Variants in STXBP5 observed in about 807,000 individuals in gnomAD.
STXBP5 encodes syntaxin-binding protein 5.
In STXBP5, 50 loss-of-function variants were observed where a neutral mutation model predicts 152.4. The ratio of observed to expected loss-of-function variants is 0.33; its 90% CI spans 0.26 to 0.42. STXBP5 has a LOEUF of 0.42. Ranked by LOEUF, STXBP5 falls within the 10% of genes least tolerant of loss-of-function variation. The pLI, the probability that STXBP5 is intolerant of heterozygous loss-of-function variation, is 1.00. For missense variants in STXBP5, 1,167 were observed against 1,388.6 expected (o/e 0.84, Z 2.54); for synonymous variants, 492 against 494.7 (o/e 0.99, Z 0.07).
intron 16 of STXBP5, among the ~76,000 whole-genome samples, chr6:147,321,736 G>A (rs1342171175): frequency 2.0e-5 from 3 of 152,100 alleles, no homozygotes; most frequent in Non-Finnish European, 2.9e-5. Flanking sequence ...TTTAAAATAC[G>A]TTTGTACAAA....
chr6:147,297,911 A>G (rs191694049), intron 9 of STXBP5, among the ~76,000 whole-genome samples: 11 of 152,208 alleles, frequency 7.2e-5, no homozygotes. Context: ...TAGAAAAACC[A>G]TCAAACCACA....
intron 8 of STXBP5, among the ~76,000 whole-genome samples, chr6:147,284,592 C>A (rs1458252072): frequency 6.6e-6 from 1 of 152,160 alleles, no homozygotes; most frequent in Non-Finnish European, 1.5e-5. Flanking sequence ...GACTATTTCA[C>A]AAATTCAGGG....
At chr6:147,307,919 A>G (rs1782174756) in intron 9 of STXBP5, among the ~76,000 whole-genome samples, 2 of 152,136 alleles carry the variant, frequency 1.3e-5, no homozygotes. Context: ...CTGGTCACCT[A>G]CCCGGTTTGA....
chr6:147,295,585 T>C (rs118103605), intron 9 of STXBP5, among the ~76,000 whole-genome samples: 78 of 152,240 alleles, frequency 5.1e-4, no homozygotes, highest in Non-Finnish European at 9.3e-4. Context: ...GATGACGGCA[T>C]AGAGGGGGAG....
chr6:147,366,303 G>A (rs1785287418), intron 25 of STXBP5, among the ~76,000 whole-genome samples: 1 of 152,196 alleles, frequency 6.6e-6, no homozygotes, highest in Admixed American at 6.5e-5. Context: ...AACCATTCCA[G>A]GAACAGTGCT....
At chr6:147,315,199 C>T (rs1397447381) in intron 14 of STXBP5, among the ~76,000 whole-genome samples, 1 of 152,046 alleles carries the variant, frequency 6.6e-6, no homozygotes, top group African/African-American at 2.4e-5. Context: ...AGGAAGCAAA[C>T]TGTGTTGTTT....
chr6:147,345,133 C>A (rs1033674042), intron 21 of STXBP5, among the ~76,000 whole-genome samples: 1 of 151,992 alleles, frequency 6.6e-6, no homozygotes, highest in African/African-American at 2.4e-5. Context: ...TATTTCTTTT[C>A]ATTTGTGAAG....
rs1786421129 is a variant in STXBP5, at chr6:147,387,997, C to A, written c.*3242C>A. The A allele has an allele frequency of 6.6e-6, 1 of 151,682 alleles. No homozygotes were observed. Among genetic ancestry groups the A allele is most frequent in the Admixed American group, 6.6e-5 (1 of 15,196 alleles). 9.4% of individuals were successfully genotyped at this position (151,682 alleles called of 1,614,324 possible). ...AGTTCTATCTTCCATGTATGTTTTG[C>A]TTAAGGCATTTCTCATGTGACATTA... On this transcript the variant is annotated 3_prime_UTR_variant, in exon 28 of 28. Coordinates refer to ENST00000321680, the MANE Select transcript of STXBP5 (RefSeq NM_001127715.4).
intron 9 of STXBP5, among the ~76,000 whole-genome samples, chr6:147,304,851 A>G (rs1253654648): frequency 6.6e-6 from 1 of 152,020 alleles, no homozygotes; most frequent in African/African-American, 2.4e-5. Context: ...TAGCCCCTTA[A>G]TTTTGGCCAA....
At position 147,314,653 on chromosome 6, in the gene STXBP5, T is replaced by C. The variant is rs1562481326; in HGVS notation, c.1402+17T>C. 1 of 1,595,634 alleles carries C rather than the reference T, an allele frequency of 6.3e-7. No homozygotes were observed. Among genetic ancestry groups the C allele is most frequent in the African/African-American group, 1.3e-5 (1 of 74,406 alleles). ...CTTCTGCAAGTAAGTATTTTTAATA[T>C]TCATTATTTGTTATATGTTATACAA... On this transcript the variant is annotated intron_variant, in intron 14 of 27. Coordinates refer to ENST00000321680, the MANE Select transcript of STXBP5 (RefSeq NM_001127715.4).
intron 15 of STXBP5, among the ~76,000 whole-genome samples, 158 bp from the exon 16 acceptor site, chr6:147,316,071 T>C (rs1782628198): frequency 6.6e-6 from 1 of 152,202 alleles, no homozygotes; most frequent in South Asian, 2.1e-4. Flanking sequence ...TTTTCTTTCT[T>C]GCTAAATCCT....
chr6:147,270,977 C>T (rs1780135795), intron 7 of STXBP5, among the ~76,000 whole-genome samples: 1 of 152,066 alleles, frequency 6.6e-6, no homozygotes, highest in South Asian at 2.1e-4. Context: ...AAAGCAACAA[C>T]AGCAGCGACT....
chr6:147,368,529 A>G (rs192183903), intron 25 of STXBP5, among the ~76,000 whole-genome samples: 172 of 152,294 alleles, frequency 1.1e-3, no homozygotes, highest in African/African-American at 3.9e-3. Context: ...TTTAGTGATG[A>G]AATACTTAAT....
At chr6:147,276,706 A>G (rs1249646686) in intron 7 of STXBP5, among the ~76,000 whole-genome samples, 2 of 152,106 alleles carry the variant, frequency 1.3e-5, no homozygotes, top group East Asian at 3.8e-4. Flanking sequence ...GCTTATTTTA[A>G]AATTGAGTTT....
chr6:147,377,393 G>A (rs1785860966), intron 26 of STXBP5, among the ~76,000 whole-genome samples: 1 of 152,052 alleles, frequency 6.6e-6, no homozygotes, highest in South Asian at 2.1e-4. Flanking sequence ...TAGAAAAACA[G>A]CAAAATAAAC....
At chr6:147,294,865 C>G (rs987919809) in intron 9 of STXBP5, among the ~76,000 whole-genome samples, 6 of 152,066 alleles carry the variant, frequency 3.9e-5, no homozygotes, top group Non-Finnish European at 7.4e-5. Context: ...TGTCTGTATA[C>G]TGGATTATGA....
Position 147,315,764 on chromosome 6 carries a change from C to A in STXBP5, c.1623+29C>A. ...ATAACGTCTTAGTTATTTTCATGGT[C>A]AAGTTATTTTCATCCACATTTTTAA... On this transcript the variant is annotated intron_variant, in intron 15 of 27. Transcript: ENST00000321680. 1.9e-6 allele frequency: 3 copies of A among 1,579,190 alleles called. No individual in the cohort carries two copies. In the South Asian group the frequency reaches 3.4e-5, roughly 18 times the overall value.
chr6:147,329,595 TATC>T (rs1329274735), intron 18 of STXBP5, among the ~76,000 whole-genome samples: 1 of 144,792 alleles, frequency 6.9e-6, no homozygotes, highest in East Asian at 2.1e-4. Context: ...GTTGACCAAA[TATC>T]ATCAAATTGT....
At chr6:147,263,389 A>G (rs1485053727) in intron 6 of STXBP5, among the ~76,000 whole-genome samples, 1 of 129,390 alleles carries the variant, frequency 7.7e-6, no homozygotes, top group Non-Finnish European at 1.6e-5. Flanking sequence ...TAAAAGTCTC[A>G]CTATGTTGCC....
Sources: allele counts gnomAD v4.1 joint callset (sites outside exome capture counted in the v4.1 genomes callset), GRCh38; gene constraint gnomAD v4.1.1; transcripts MANE v1.5; gene names NCBI Gene and HGNC (gene_info 2026-07-23, HGNC 2026-07-21).